Variants in ABHD5 observed in about 807,000 individuals in gnomAD.
The protein encoded by ABHD5 is abhydrolase domain containing 5, lysophosphatidic acid acyltransferase.
A neutral mutation model predicts 44.9 loss-of-function variants in ABHD5; 30 were observed. The ratio of observed to expected loss-of-function variants is 0.67; its 90% CI spans 0.50 to 0.91. The LOEUF (loss-of-function observed/expected upper bound fraction) is 0.91. Ranked by LOEUF, ABHD5 falls within the 40% of genes least tolerant of loss-of-function variation. ABHD5 has a pLI of 0.00. For synonymous variants in ABHD5, 167 were observed against 147.0 expected (o/e 1.14, Z -0.99); for missense variants, 399 against 423.4 (o/e 0.94, Z 0.50).
At chr3:43,710,952 T>A (rs576552864) in intron 3 of ABHD5, among the ~76,000 whole-genome samples, 1 of 152,340 alleles carries the variant, frequency 6.6e-6, no homozygotes, top group African/African-American at 2.4e-5. Context: ...ATGGAAAAAT[T>A]AAAATGATTA....
At chr3:43,726,515 G>C (rs1189951397), downstream of ABHD5, among the ~76,000 whole-genome samples, 1 of 152,194 alleles carries the variant, frequency 6.6e-6, no homozygotes, top group Non-Finnish European at 1.5e-5. Context: ...CAGCTGTCCT[G>C]TCTGTATGGC....
intron 3 of ABHD5, among the ~76,000 whole-genome samples, chr3:43,710,021 C>A (rs554012035): frequency 6.6e-6 from 1 of 151,860 alleles, no homozygotes; most frequent in South Asian, 2.1e-4. Flanking sequence ...CCAGCCTGGG[C>A]GACAGAGTGA....
Position 43,702,292 on chromosome 3 carries a change from A to G in ABHD5, c.211A>G (p.Asn71Asp), listed in dbSNP as rs2084550967. 1.2e-6 allele frequency: 2 copies of G among 1,605,536 alleles called. No homozygotes were observed. The highest frequency in any genetic ancestry group is 1.7e-6 in the Non-Finnish European group (2 of 1,173,832). The stretch of plus-strand genomic sequence containing the variant: ...AATATGGACACTGAAGTTCTCTCAT[A>G]ATATTTCAAATAAGACTCCACTTGT... ...NKIWTLKFSHNISNKTPLVLL... is the reference protein window; with the variant it reads ...NKIWTLKFSHDISNKTPLVLL... The change falls in exon 3 of 7, where the codon AAT becomes GAT. Residue 71 changes from asparagine to aspartate, a missense_variant. Coordinates refer to ENST00000644371, the MANE Select transcript of ABHD5 (RefSeq NM_016006.6).
At chr3:43,693,255 C>G (rs1320195620) in intron 1 of ABHD5, among the ~76,000 whole-genome samples, 2 of 152,182 alleles carry the variant, frequency 1.3e-5, no homozygotes, top group Admixed American at 1.3e-4. Context: ...GCTAAATTTT[C>G]AGGAATTTTG....
intron 3 of ABHD5, among the ~76,000 whole-genome samples, chr3:43,710,713 C>G (rs1360480452): frequency 6.6e-6 from 1 of 152,206 alleles, no homozygotes; most frequent in Non-Finnish European, 1.5e-5. Flanking sequence ...CTTTACCTTT[C>G]TGTTTCAGTT....
In ABHD5 at chr3:43,691,321, T is replaced by C. The variant is rs1195184711; in HGVS notation, c.47+282T>C. 4 of 300,766 alleles carry C rather than the reference T, an allele frequency of 1.3e-5. No homozygotes were observed. The South Asian group carries it at 6.0e-4, about 45-fold the overall frequency. The allele number at this position is 300,766 out of a possible 1,614,324, so 18.6% of individuals were successfully genotyped here. A position where few individuals can be genotyped will look rare whatever the true frequency, so the allele number is the denominator to read the frequency against. ...ACCCCGCGCGGAGGGTCCGCCCCGTTGTTGTATAAGCCACCCCGCGGGCCG... is the reference window on the plus strand; with the variant it reads ...ACCCCGCGCGGAGGGTCCGCCCCGTCGTTGTATAAGCCACCCCGCGGGCCG... On this transcript the variant is annotated intron_variant, in intron 1 of 6. Transcript: ENST00000644371.
rs916814705 is a variant in ABHD5 at position 43,720,501 on chromosome 3, A to G, written c.*1969A>G. 4.6e-5 allele frequency: 7 copies of G among 152,236 alleles called. No individual in the cohort carries two copies. Among genetic ancestry groups the G allele is most frequent in the African/African-American group, 1.7e-4 (7 of 41,474 alleles). 9.4% of individuals were successfully genotyped at this position (152,236 alleles called of 1,614,324 possible). On this transcript the variant is annotated 3_prime_UTR_variant, in exon 7 of 7. Coordinates refer to ENST00000644371, the MANE Select transcript of ABHD5 (RefSeq NM_016006.6). ...TTTGAAAGATGTTGTAACTCTTTTT[A>G]AAGTTAGATTTTACCCTGAGGTATA...
intron 6 of ABHD5, 48 bp from the exon 7 acceptor site, chr3:43,718,395 A>G (rs1194556650): frequency 1.4e-6 from 2 of 1,481,084 alleles, no homozygotes; most frequent in Admixed American, 1.7e-5. Flanking sequence ...ATTCTGTTTT[A>G]TTAAATGCTT....
At chr3:43,715,917 C>G (rs889201692) in intron 5 of ABHD5, among the ~76,000 whole-genome samples, 3 of 152,078 alleles carry the variant, frequency 2.0e-5, no homozygotes. Context: ...GATTGTACTC[C>G]TGAACAACTC....
chr3:43,717,975 C>T, intron 6 of ABHD5, 118 bp downstream of exon 6: 3 of 1,335,726 alleles, frequency 2.2e-6, no homozygotes, highest in South Asian at 1.2e-5. Context: ...TACCTGCAGC[C>T]TCAGTCGGGG....
chr3:43,709,454 T>C (rs753629037), intron 3 of ABHD5, among the ~76,000 whole-genome samples: 1 of 152,222 alleles, frequency 6.6e-6, no homozygotes, highest in Non-Finnish European at 1.5e-5. Flanking sequence ...CAGATGAGAC[T>C]TCTGTCAAGT....
chr3:43,715,076 C>A lies in ABHD5; in HGVS notation c.773+18C>A. 1.4e-6 allele frequency: 2 copies of A among 1,433,104 alleles called. No individual in the cohort carries two copies. Among genetic ancestry groups the A allele is most frequent in the South Asian group, 2.4e-5 (2 of 84,712 alleles). The allele number at this position is 1,433,104 out of a possible 1,614,324, so 88.8% of individuals were successfully genotyped here. Reference sequence around the variant, plus strand: ...ACTCCAAGGTGAGGGTTAGGATTCTCAATTCACTCTGTGTGTGTGTGTGTG... The same window carrying A: ...ACTCCAAGGTGAGGGTTAGGATTCTAAATTCACTCTGTGTGTGTGTGTGTG... On this transcript the variant is annotated intron_variant, in intron 5 of 6. Coordinates refer to ENST00000644371, the MANE Select transcript of ABHD5 (RefSeq NM_016006.6).
At chr3:43,695,087 T>C (rs1016824163) in intron 1 of ABHD5, 4 of 152,190 alleles carry the variant, frequency 2.6e-5, no homozygotes, top group Non-Finnish European at 5.9e-5. Flanking sequence ...ACTACAGGCA[T>C]GTGCCAGGCA....
At chr3:43,716,943 C>T (rs760042998) in intron 5 of ABHD5, among the ~76,000 whole-genome samples, 12 of 152,034 alleles carry the variant, frequency 7.9e-5, no homozygotes, top group Admixed American at 2.0e-4. Flanking sequence ...GAGGCCGAGG[C>T]GGGCAGATCA....
intron 1 of ABHD5, among the ~76,000 whole-genome samples, chr3:43,696,490 T>C (rs536834265): frequency 6.6e-6 from 1 of 152,228 alleles, no homozygotes; most frequent in South Asian, 2.1e-4. Context: ...AGGATACCAC[T>C]GGGGAGGGGG....
chr3:43,732,803 G>A (rs1697260175), intron 7 of ABHD5, among the ~76,000 whole-genome samples: 1 of 152,158 alleles, frequency 6.6e-6, no homozygotes, highest in South Asian at 2.1e-4. Context: ...TGGTAGCCAG[G>A]GCTGGGGTCT....
chr3:43,733,032 AG>A (rs1166332447), intron 7 of ABHD5, among the ~76,000 whole-genome samples: 2 of 152,228 alleles, frequency 1.3e-5, no homozygotes, highest in Non-Finnish European at 2.9e-5. Context: ...ATGTAAACCA[AG>A]AAGGCAGTGG....
chr3:43,691,280 C>T (rs2084374567), intron 1 of ABHD5: 1 of 368,244 alleles, frequency 2.7e-6, no homozygotes, highest in Non-Finnish European at 4.8e-6. Flanking sequence ...TCCGGCCGCG[C>T]CGGGAGGCCG....
chr3:43,699,759 A>C, intron 2 of ABHD5: 1 of 173,674 alleles, frequency 5.8e-6, no homozygotes, highest in East Asian at 1.6e-4. Flanking sequence ...AAAAGAAAAA[A>C]AATACTTTCC....
Sources: allele counts gnomAD v4.1 joint callset (sites outside exome capture counted in the v4.1 genomes callset), GRCh38; gene constraint gnomAD v4.1.1; transcripts MANE v1.5; gene names NCBI Gene and HGNC (gene_info 2026-07-23, HGNC 2026-07-21).